The following TMC1 variants were observed in gnomAD, a reference collection of about 807,000 sequenced individuals.
TMC1 encodes transmembrane channel-like protein 1.
In TMC1, 84 loss-of-function variants were observed where a neutral mutation model predicts 105.8. That is an observed-to-expected ratio of 0.79 (90% CI 0.67 to 0.95). The LOEUF is 0.95. Ranked by LOEUF, TMC1 falls within the 40% of genes least tolerant of loss-of-function variation. TMC1 has a pLI of 0.00. For missense variants in TMC1, 817 were observed against 914.1 expected, an observed-to-expected ratio of 0.89 and a Z score of 1.37; for synonymous variants, 315 against 311.5, an observed-to-expected ratio of 1.01 and a Z score of -0.12.
In TMC1 at chr9:72,792,222, T is replaced by A. The variant is rs905735885; in HGVS notation, c.1436T>A (p.Ile479Asn). The change falls in exon 17 of 24, where the codon ATT becomes AAT. Residue 479 changes from isoleucine (I) to asparagine (N), a missense_variant. Physicochemically the swap from Ile to Asn is moderately radical, Grantham distance 149. Transcript: ENST00000297784. Reference sequence around the variant, plus strand: ...GAGGAGAAGCTAGTAAAGGCCAATATTACCCTTTGGGAAGCCAATATGATC... The same window carrying A: ...GAGGAGAAGCTAGTAAAGGCCAATAATACCCTTTGGGAAGCCAATATGATC... ...IEEEKLVKAN[I>N]TLWEANMIKA... 1.2e-6 allele frequency: 2 copies of A among 1,614,040 alleles called. No individual in the cohort carries two copies. Among genetic ancestry groups the A allele is most frequent in the African/African-American group, 1.3e-5 (1 of 74,916 alleles).
At chr9:72,803,218 T>A (rs1294565728) in intron 17 of TMC1, among the ~76,000 whole-genome samples, 2 of 152,162 alleles carry the variant, frequency 1.3e-5, no homozygotes, top group African/African-American at 4.8e-5. Context: ...ATACACCTTA[T>A]ACAAAAATTA....
chr9:72,826,907 T>C lies in TMC1; in HGVS notation c.2042T>C (p.Leu681Pro), dbSNP rs1828965988. ...ATGTTTGAAGTCATTGGAGAGACCC[T>C]GGAGCACGATTTCCCAAGCTGGATG... ...NRMFEVIGETLEHDFPSWMAK... is the reference protein window; with the variant it reads ...NRMFEVIGETPEHDFPSWMAK... The change falls in exon 21 of 24, where the codon CTG (leucine) becomes CCG (proline). Residue 681 changes from leucine (L) to proline (P), a missense_variant. Physicochemically the swap from Leu to Pro is moderately conservative, Grantham distance 98. Transcript: ENST00000297784. 1 of 1,614,132 alleles carries C rather than the reference T, an allele frequency of 6.2e-7. No individual in the cohort carries two copies. The highest frequency in any genetic ancestry group is 2.2e-5 in the East Asian group (1 of 44,872).
intron 3 of TMC1, among the ~76,000 whole-genome samples, chr9:72,627,562 G>A (rs1825369708): frequency 6.6e-6 from 1 of 152,180 alleles, no homozygotes; most frequent in African/African-American, 2.4e-5. Context: ...GAGATGCTTG[G>A]AGGCAAGCAT....
At chr9:72,640,880 C>T (rs978054266) in intron 4 of TMC1, among the ~76,000 whole-genome samples, 1 of 152,112 alleles carries the variant, frequency 6.6e-6, no homozygotes, top group Non-Finnish European at 1.5e-5. Flanking sequence ...ATCCACCCGC[C>T]TCGGCCTCCC....
Position 72,694,602 on chromosome 9 carries a change from A to T in TMC1, c.124A>T (p.Arg42Trp), listed in dbSNP as rs1826518521. The change falls in exon 7 of 24, where the codon AGG (arginine) becomes TGG (tryptophan). Residue 42 changes from arginine (R) to tryptophan (W), a missense_variant. By Grantham distance (101) the Arg-to-Trp change is moderately radical. Coordinates refer to ENST00000297784, the MANE Select transcript of TMC1 (RefSeq NM_138691.3). ...LPRRESLRPK[R>W]KRTRDVINED... Reference sequence around the variant, plus strand: ...TCGAAGAGAGAGCTTGAGACCAAAGAGGAAACGGACCAGAGATGTTATCAA... The same window carrying T: ...TCGAAGAGAGAGCTTGAGACCAAAGTGGAAACGGACCAGAGATGTTATCAA... 1 of 1,613,220 alleles carries T rather than the reference A, an allele frequency of 6.2e-7. No individual in the cohort carries two copies. Among genetic ancestry groups the T allele is most frequent in the Non-Finnish European group, 8.5e-7 (1 of 1,179,552 alleles).
intron 8 of TMC1, among the ~76,000 whole-genome samples, chr9:72,721,560 C>G (rs7020258): frequency 6.6e-6 from 1 of 152,104 alleles, no homozygotes; most frequent in Admixed American, 6.6e-5. Context: ...TAAAAACTTA[C>G]GAGGGTTCAG....
intron 5 of TMC1, among the ~76,000 whole-genome samples, chr9:72,652,190 G>A (rs1388697670): frequency 2.0e-5 from 3 of 151,948 alleles, no homozygotes; most frequent in African/African-American, 4.8e-5. Flanking sequence ...TATACTTGTT[G>A]GCCATTTGTA....
intron 12 of TMC1, among the ~76,000 whole-genome samples, chr9:72,766,425 A>G (rs569882039): frequency 6.6e-6 from 1 of 152,182 alleles, no homozygotes; most frequent in South Asian, 2.1e-4. Flanking sequence ...TCAAAAAAAA[A>G]AAAAAAAAAG....
intron 2 of TMC1, among the ~76,000 whole-genome samples, chr9:72,595,386 G>A (rs576052106): frequency 1.7e-4 from 26 of 152,246 alleles, no homozygotes; most frequent in African/African-American, 6.3e-4. Flanking sequence ...TGTTGGTGGG[G>A]GAGTCACATA....
intron 13 of TMC1, among the ~76,000 whole-genome samples, chr9:72,783,749 AC>A (rs1828128302): frequency 6.6e-6 from 1 of 152,164 alleles, no homozygotes; most frequent in Non-Finnish European, 1.5e-5. Flanking sequence ...ATGTACAAGA[AC>A]CTGATTTTTG....
chr9:72,823,945 A>G (rs1828911561), intron 20 of TMC1, among the ~76,000 whole-genome samples: 3 of 152,188 alleles, frequency 2.0e-5, no homozygotes, highest in African/African-American at 7.2e-5. Flanking sequence ...AGCATTTTAT[A>G]TTCTGTTTTG....
intron 4 of TMC1, among the ~76,000 whole-genome samples, chr9:72,638,535 A>C (rs1825572092): frequency 6.6e-6 from 1 of 152,088 alleles, no homozygotes; most frequent in Non-Finnish European, 1.5e-5. Context: ...TATTTTGACC[A>C]CACCTCTTTT....
At chr9:72,525,849 G>A (rs780356719) in intron 1 of TMC1, among the ~76,000 whole-genome samples, 3 of 152,108 alleles carry the variant, frequency 2.0e-5, no homozygotes, top group African/African-American at 7.2e-5. Context: ...TTAGCCGGGC[G>A]TGGTGGCACA....
intron 9 of TMC1, 71 bp downstream of exon 9, chr9:72,740,280 G>A (rs1827366301): frequency 7.4e-7 from 1 of 1,352,642 alleles, no homozygotes; most frequent in Admixed American, 1.7e-5. Context: ...TTTTCTAAAG[G>A]GGTGAAAAAA....
chr9:72,820,507 T>C (rs1008490227), intron 19 of TMC1, among the ~76,000 whole-genome samples: 2 of 152,332 alleles, frequency 1.3e-5, no homozygotes, highest in Middle Eastern at 3.4e-3. Context: ...AAAGTTTATT[T>C]TAGAATTAGA....
intron 8 of TMC1, among the ~76,000 whole-genome samples, chr9:72,703,968 C>CT (rs1480349077): frequency 6.6e-6 from 1 of 152,126 alleles, no homozygotes; most frequent in African/African-American, 2.4e-5. Flanking sequence ...CTCTATTGAG[C>CT]TTTTTTTGAA....
chr9:72,547,116 G>A (rs1339212663), intron 1 of TMC1, among the ~76,000 whole-genome samples: 3 of 152,120 alleles, frequency 2.0e-5, no homozygotes, highest in Admixed American at 6.5e-5. Flanking sequence ...GTGAAACCTC[G>A]TCTCTACTGA....
At chr9:72,686,970 C>T (rs963101172) in intron 5 of TMC1, among the ~76,000 whole-genome samples, 1 of 152,120 alleles carries the variant, frequency 6.6e-6, no homozygotes, top group Admixed American at 6.6e-5. Context: ...TCTAGCCCTG[C>T]TTTTTCTCTC....
At chr9:72,805,195 T>A (rs920230963) in intron 17 of TMC1, 187 bp from the exon 18 acceptor site, 26 of 483,104 alleles carry the variant, frequency 5.4e-5, no homozygotes, top group African/African-American at 4.6e-4. Context: ...GAAATAATTA[T>A]TTTTTAAGTA....
Sources: allele counts gnomAD v4.1 joint callset (sites outside exome capture counted in the v4.1 genomes callset), GRCh38; gene constraint gnomAD v4.1.1; transcripts MANE v1.5; gene names NCBI Gene and HGNC (gene_info 2026-07-23, HGNC 2026-07-21).